The following GK5 variants were observed in gnomAD, a reference collection of about 807,000 sequenced individuals.
GK5 encodes the protein glycerol kinase 5.
GK5 carries 39 observed loss-of-function variants against 77.3 expected under a neutral mutation model. The observed-to-expected ratio is 0.50, with a 90% CI of 0.39 to 0.66. The LOEUF (loss-of-function observed/expected upper bound fraction) is 0.66. GK5 is among the 30% of genes least tolerant of loss of function. The pLI, the probability that GK5 is intolerant of heterozygous loss-of-function variation, is 0.00. For missense variants in GK5, 487 were observed against 633.8 expected, an observed-to-expected ratio of 0.77 and a Z score of 2.49; for synonymous variants, 211 against 208.0, an observed-to-expected ratio of 1.01 and a Z score of -0.13.
At chr3:142,191,738 C>G (rs2063854263) in intron 5 of GK5, among the ~76,000 whole-genome samples, 1 of 152,154 alleles carries the variant, frequency 6.6e-6, no homozygotes, top group South Asian at 2.1e-4. Context: ...AGGAGAATCA[C>G]TTGAACCCAG....
intron 6 of GK5, 85 bp downstream of exon 6, chr3:142,187,619 A>AC: frequency 9.7e-7 from 1 of 1,030,654 alleles, no homozygotes; most frequent in South Asian, 1.4e-5. Flanking sequence ...AAAAAAAAAA[A>AC]AAGTAACTTC....
chr3:142,204,415 G>C, intron 4 of GK5: 1 of 442,314 alleles, frequency 2.3e-6, no homozygotes, highest in Non-Finnish European at 4.2e-6. Context: ...CATTCATCTA[G>C]TCTGTATCTT....
chr3:142,195,348 G>C (rs1381248781), intron 5 of GK5, among the ~76,000 whole-genome samples: 1 of 151,706 alleles, frequency 6.6e-6, no homozygotes, highest in Non-Finnish European at 1.5e-5. Context: ...TGTGTGTGTG[G>C]TTTCTTTCCA....
At chr3:142,210,187 A>G (rs2064172587) in intron 3 of GK5, among the ~76,000 whole-genome samples, 1 of 152,224 alleles carries the variant, frequency 6.6e-6, no homozygotes, top group Non-Finnish European at 1.5e-5. Flanking sequence ...TCAAAGTTTT[A>G]GACCTCCTGA....
intron 5 of GK5, among the ~76,000 whole-genome samples, chr3:142,190,457 G>GA (rs1448641627): frequency 6.6e-6 from 1 of 152,042 alleles, no homozygotes; most frequent in Non-Finnish European, 1.5e-5. Context: ...TGGGCTTTCA[G>GA]AAAAAAAGAT....
intron 3 of GK5, among the ~76,000 whole-genome samples, chr3:142,210,030 G>A (rs1322840665): frequency 6.6e-6 from 1 of 151,928 alleles, no homozygotes; most frequent in East Asian, 1.9e-4. Context: ...TAGAAAGCAG[G>A]CTAAACACAC....
rs910684104 is a variant in GK5, at chr3:142,161,875, T to G, written c.*3747A>C. On this transcript the variant is annotated 3_prime_UTR_variant, in exon 16 of 16. Transcript: ENST00000392993. ...GTACAGTGACACCAACTTGGCTCAC[T>G]GCAGCCTCCACCTCCTGGAGCTCAA... The G allele has an allele frequency of 2.0e-5, 3 of 152,314 alleles. No individual in the cohort carries two copies. The highest frequency in any genetic ancestry group is 2.9e-5 in the Non-Finnish European group (2 of 68,118). 9.4% of individuals were successfully genotyped at this position (152,314 alleles called of 1,614,324 possible).
chr3:142,178,290 T>C (rs1577112338), intron 11 of GK5, among the ~76,000 whole-genome samples: 2 of 152,238 alleles, frequency 1.3e-5, no homozygotes, highest in South Asian at 4.1e-4. Context: ...ACCTGTAATA[T>C]AATACCCAAG....
intron 5 of GK5, among the ~76,000 whole-genome samples, chr3:142,191,744 C>G (rs2063854363): frequency 6.6e-6 from 1 of 152,142 alleles, no homozygotes; most frequent in Non-Finnish European, 1.5e-5. Flanking sequence ...ATCACTTGAA[C>G]CCAGGAAGTA....
intron 1 of GK5, among the ~76,000 whole-genome samples, chr3:142,216,527 C>T (rs1424193503): frequency 6.6e-6 from 1 of 152,072 alleles, no homozygotes; most frequent in Non-Finnish European, 1.5e-5. Flanking sequence ...GTGTGGTCAA[C>T]CCCTATGGCT....
Position 142,198,865 on chromosome 3 carries a change from C to T in GK5, c.480G>A (p.Leu160=). Residue 160 remains leucine (L), a synonymous_variant, in exon 5 of 16, where the codon TTG becomes TTA. Transcript: ENST00000392993. The part of the protein sequence containing the change: ...TRSKRLFTAS[L]FTFTTQQTSL... ...AAGTCTGCTGGGTTGTGAAAGTGAA[C>T]AAACTGGCTGTAAAAAGTCGTTTAC... is the stretch of plus-strand genomic sequence containing the variant. The T allele has an allele frequency of 1.2e-6, 2 of 1,613,518 alleles. No homozygotes were observed. Among genetic ancestry groups the T allele is most frequent in the Non-Finnish European group, 1.7e-6 (2 of 1,179,670 alleles).
At chr3:142,221,820 A>G (rs1347023234) in intron 1 of GK5, among the ~76,000 whole-genome samples, 1 of 152,254 alleles carries the variant, frequency 6.6e-6, no homozygotes, top group Non-Finnish European at 1.5e-5. Flanking sequence ...TTTTAAAAAT[A>G]CAAATTACAG....
At position 142,225,416 on chromosome 3, in the gene GK5, C is replaced by G; in HGVS notation, c.40G>C (p.Glu14Gln). 6.2e-7 allele frequency: 1 copy of G among 1,601,620 alleles called. No individual in the cohort carries two copies. Residue 14 changes from glutamate to glutamine, a missense_variant, in exon 1 of 16, where the codon GAG (glutamate) becomes CAG (glutamine). Coordinates refer to ENST00000392993, the MANE Select transcript of GK5 (RefSeq NM_001039547.3). ...LLTDPEQRAQ[E>Q]PRYPGFVLGL... The stretch of plus-strand genomic sequence containing the variant: ...AGCACGAAGCCGGGGTACCGCGGCT[C>G]CTGCGCTCTCTGCTCCGGGTCCGTG...
At chr3:142,218,377 C>CA (rs35885439) in intron 1 of GK5, among the ~76,000 whole-genome samples, 89,295 of 126,008 alleles carry the variant, frequency 0.71, 31,321 homozygotes, top group African/African-American at 0.79. Flanking sequence ...TACTAAAATA[C>CA]AAAAAAAAAA....
chr3:142,223,724 G>T lies in GK5; in HGVS notation c.147+1585C>A, dbSNP rs182973911. On this transcript the variant is annotated intron_variant, in intron 1 of 15. Transcript: ENST00000392993. ...ATGATGGCGGGTGCCTGCAATCCCA[G>T]CTACTCAGGAGGCTGAGGCAGGAGA... 9.8e-4 allele frequency among the ~76,000 whole-genome samples: 149 copies of T among 152,354 alleles called. 3 individuals carry two copies. Among genetic ancestry groups the T allele is most frequent in the African/African-American group, 3.4e-3 (141 of 41,586 alleles).
At position 142,157,959 on chromosome 3, in the gene GK5, T is replaced by TG. The variant is rs1383293721; in HGVS notation, c.*7662_*7663insC. On this transcript the variant is annotated 3_prime_UTR_variant, in exon 16 of 16. Transcript: ENST00000392993. The stretch of plus-strand genomic sequence containing the variant: ...TTGTTGTTGTTGTTGTTGTTTTTGT[T>TG]TTTTTTTTTTGAGATGGAGTCTCAC... 3 of 149,546 alleles carry TG rather than the reference T, an allele frequency of 2.0e-5. No individual in the cohort carries two copies. The highest frequency in any genetic ancestry group is 4.5e-5 in the Non-Finnish European group (3 of 67,276). The allele number at this position is 149,546 out of a possible 1,614,324, so 9.3% of individuals were successfully genotyped here. A position where few individuals can be genotyped will look rare whatever the true frequency, so the allele number is the denominator to read the frequency against.
In GK5 at chr3:142,162,561, C is replaced by T. The variant is rs547810313; in HGVS notation, c.*3061G>A. 1.3e-5 allele frequency: 2 copies of T among 152,200 alleles called. No individual in the cohort carries two copies. The highest frequency in any genetic ancestry group is 2.9e-5 in the Non-Finnish European group (2 of 68,038). The allele number at this position is 152,200 out of a possible 1,614,324, so 9.4% of individuals were successfully genotyped here. A position where few individuals can be genotyped will look rare whatever the true frequency, so the allele number is the denominator to read the frequency against. ...CACTTTAAGATAGATTGAACAGGAA[C>T]ATTCTCTTCCTTTATCAGACAGTTG... On this transcript the variant is annotated 3_prime_UTR_variant, in exon 16 of 16. Coordinates refer to ENST00000392993, the MANE Select transcript of GK5 (RefSeq NM_001039547.3).
At chr3:142,186,304 TACATATATCAAACCTCTAA>T in intron 7 of GK5, 37 bp from the exon 8 acceptor site, 2 of 1,313,510 alleles carry the variant, frequency 1.5e-6, no homozygotes, top group East Asian at 4.6e-5. Context: ...TATACATATT[TACATATATCAAACCTCTAA>T]ACATATATCA....
intron 15 of GK5, among the ~76,000 whole-genome samples, chr3:142,166,413 G>GT (rs1323841758): frequency 5.3e-5 from 8 of 152,114 alleles, no homozygotes; most frequent in African/African-American, 1.9e-4. Context: ...TAATGTAATA[G>GT]TTTCTCTTTC....
Sources: allele counts gnomAD v4.1 joint callset (sites outside exome capture counted in the v4.1 genomes callset), GRCh38; gene constraint gnomAD v4.1.1; transcripts MANE v1.5; gene names NCBI Gene and HGNC (gene_info 2026-07-23, HGNC 2026-07-21).